The following SIPA1L3 variants were observed in gnomAD, a reference collection of about 807,000 sequenced individuals.
SIPA1L3 encodes signal induced proliferation associated 1 like 3.
A neutral mutation model predicts 150.1 loss-of-function variants in SIPA1L3; 59 were observed. That is an observed-to-expected ratio of 0.39 (90% CI 0.32 to 0.49). The LOEUF (loss-of-function observed/expected upper bound fraction) is 0.49. SIPA1L3 is among the 20% of genes least tolerant of loss of function. The probability of loss-of-function intolerance (pLI) is 0.86; values close to 1 mark genes in which losing one functional copy is unlikely to be tolerated. For missense variants in SIPA1L3, 2,211 were observed against 2,489.5 expected (o/e 0.89, Z 2.38); for synonymous variants, 1,070 against 1,077.6 (o/e 0.99, Z 0.14).
At chr19:38,183,091 G>C (rs1166223988) in intron 16 of SIPA1L3, 2 of 240,430 alleles carry the variant, frequency 8.3e-6, no homozygotes, top group Non-Finnish European at 1.6e-5. Flanking sequence ...GGCCGGGGTG[G>C]CTGGAACAGT....
intron 16 of SIPA1L3, 37 bp downstream of exon 16, chr19:38,182,777 T>C: frequency 1.3e-6 from 2 of 1,531,398 alleles, no homozygotes; most frequent in South Asian, 2.3e-5. Flanking sequence ...GCCCGCCAGA[T>C]CCACACCAGG....
chr19:38,083,197 G>A, intron 3 of SIPA1L3, 98 bp downstream of exon 3: 2 of 1,249,274 alleles, frequency 1.6e-6, no homozygotes, highest in East Asian at 4.7e-5. Context: ...GCCCTGCTCT[G>A]GCACTGAGGA....
chr19:38,142,764 CCTT>C lies in SIPA1L3; in HGVS notation c.3533+59_3533+61del, dbSNP rs759786076. 47 of 1,560,884 alleles carry C rather than the reference CCTT, an allele frequency of 3.0e-5. No individual in the cohort carries two copies. The Admixed American group carries it at 5.3e-4, about 18-fold the overall frequency. On this transcript the variant is annotated intron_variant, in intron 12 of 21. Transcript: ENST00000222345. ...AAGGGATCTGATGAAAGCTGTGCCTCCTTCTTCCCCAGCAAATGCACACCCCCA... is the reference window on the plus strand; with the variant it reads ...AAGGGATCTGATGAAAGCTGTGCCTCCTTCCCCAGCAAATGCACACCCCCA...
At position 37,911,250 on chromosome 19, in the gene SIPA1L3, CGTGTGT is replaced by C. The variant is rs34936249; in HGVS notation, c.-379+3907_-379+3912del. 6.7e-4 allele frequency among the ~76,000 whole-genome samples: 101 copies of C among 149,736 alleles called. 1 individual carries two copies. Among genetic ancestry groups the C allele is most frequent in the Non-Finnish European group, 1.2e-3 (78 of 67,328 alleles). On this transcript the variant is annotated intron_variant, in intron 1 of 21. Transcript: ENST00000222345. ...TATTGATTATGTTTGTATGTATGTG[CGTGTGT>C]GTGTGTGTGTGTGTATCGACTGTTT...
At chr19:38,099,868 A>C in intron 4 of SIPA1L3, 94 bp from the exon 5 acceptor site, 1 of 1,078,390 alleles carries the variant, frequency 9.3e-7, no homozygotes, top group South Asian at 1.7e-5. Flanking sequence ...CAATCATCAC[A>C]CATGTCTCTT....
intron 1 of SIPA1L3, among the ~76,000 whole-genome samples, chr19:37,997,306 A>G (rs1357175638): frequency 6.7e-6 from 1 of 148,214 alleles, no homozygotes; most frequent in Non-Finnish European, 1.5e-5. Flanking sequence ...GGTGGCTCAC[A>G]TCTATAATCC....
chr19:37,978,444 C>A (rs833898), intron 1 of SIPA1L3, among the ~76,000 whole-genome samples: 43,372 of 151,996 alleles, frequency 0.29, 7,577 homozygotes, highest in East Asian at 0.62. Context: ...AACCCATGGA[C>A]TCCTCACAAT....
At chr19:37,923,665 T>C (rs2046476029) in intron 1 of SIPA1L3, among the ~76,000 whole-genome samples, 1 of 152,198 alleles carries the variant, frequency 6.6e-6, no homozygotes, top group South Asian at 2.1e-4. Flanking sequence ...ACACTAAATT[T>C]ATTTTAAAAA....
chr19:38,173,487 C>T (rs1568591777), intron 15 of SIPA1L3: 1 of 152,496 alleles, frequency 6.6e-6, no homozygotes, highest in Non-Finnish European at 1.5e-5. Context: ...AGGCAGCACG[C>T]ACTCCAGAGC....
intron 8 of SIPA1L3, among the ~76,000 whole-genome samples, chr19:38,111,968 TGCACACACATGCACACAG>T (rs1327017595): frequency 1.0e-3 from 91 of 90,588 alleles, no homozygotes; most frequent in African/African-American, 5.9e-3. Flanking sequence ...CACACGTACA[TGCACACACATGCACACAG>T]GCACACACCT....
At chr19:38,073,960 C>T (rs1443417317) in intron 2 of SIPA1L3, among the ~76,000 whole-genome samples, 1 of 152,218 alleles carries the variant, frequency 6.6e-6, no homozygotes, top group Non-Finnish European at 1.5e-5. Context: ...TGGTATTATA[C>T]CCATTTTACA....
chr19:38,109,147 T>G (rs1411071122), intron 7 of SIPA1L3, among the ~76,000 whole-genome samples: 1 of 152,142 alleles, frequency 6.6e-6, no homozygotes. Flanking sequence ...TAATGAAGAT[T>G]TACCCAAGAC....
intron 16 of SIPA1L3, among the ~76,000 whole-genome samples, chr19:38,187,715 CAAAAAAA>C (rs34187992): frequency 5.0e-5 from 3 of 59,532 alleles, no homozygotes; most frequent in African/African-American, 1.5e-4. Context: ...GACTCCGTCT[CAAAAAAA>C]AAAAAAAAAA....
At chr19:37,931,472 C>A (rs963481850) in intron 1 of SIPA1L3, among the ~76,000 whole-genome samples, 1 of 152,142 alleles carries the variant, frequency 6.6e-6, no homozygotes, top group Non-Finnish European at 1.5e-5. Flanking sequence ...TAAGGCCGGC[C>A]GCGGTGGCTC....
intron 1 of SIPA1L3, among the ~76,000 whole-genome samples, chr19:37,971,534 T>G (rs1424700513): frequency 6.0e-5 from 9 of 149,892 alleles, no homozygotes; most frequent in South Asian, 2.1e-4. Context: ...TCTGTCTGGC[T>G]TCTTTCACTG....
chr19:38,190,092 G>A (rs1431222565), intron 16 of SIPA1L3, among the ~76,000 whole-genome samples: 2 of 152,116 alleles, frequency 1.3e-5, no homozygotes, highest in Non-Finnish European at 2.9e-5. Flanking sequence ...TCTGAAGGAC[G>A]CGTTTCCAGA....
intron 1 of SIPA1L3, among the ~76,000 whole-genome samples, chr19:37,915,163 T>C (rs531373915): frequency 6.6e-6 from 1 of 152,232 alleles, no homozygotes; most frequent in South Asian, 2.1e-4. Context: ...TTGCTCTCAA[T>C]GAGACACGAT....
At chr19:38,036,975 TC>T (rs535506219) in intron 2 of SIPA1L3, among the ~76,000 whole-genome samples, 3 of 152,298 alleles carry the variant, frequency 2.0e-5, no homozygotes, top group Non-Finnish European at 4.4e-5. Context: ...TGTCACACGG[TC>T]CTGCCTAACT....
chr19:37,946,930 A>G lies in SIPA1L3; in HGVS notation c.-379+39572A>G, dbSNP rs561874920. 4.0e-4 allele frequency among the ~76,000 whole-genome samples: 61 copies of G among 152,370 alleles called. 1 individual carries two copies. In the South Asian group the frequency reaches 0.012, roughly 29 times the overall value. On this transcript the variant is annotated intron_variant, in intron 1 of 21. Coordinates refer to ENST00000222345, the MANE Select transcript of SIPA1L3 (RefSeq NM_015073.3). ...GCCAGGCGCAGTGGCTCACGCCTATAATCCCAGCACTTTGGGAGGCAGAGG... is the reference window on the plus strand; with the variant it reads ...GCCAGGCGCAGTGGCTCACGCCTATGATCCCAGCACTTTGGGAGGCAGAGG...
Sources: allele counts gnomAD v4.1 joint callset (sites outside exome capture counted in the v4.1 genomes callset), GRCh38; gene constraint gnomAD v4.1.1; transcripts MANE v1.5; gene names NCBI Gene and HGNC (gene_info 2026-07-23, HGNC 2026-07-21).